Variants in SHROOM4 observed in about 807,000 individuals in gnomAD.
SHROOM4 encodes the protein protein Shroom4.
Under a neutral mutation model 80.3 loss-of-function variants are expected in SHROOM4, and 17 were observed. That is an observed-to-expected ratio of 0.21 (90% CI 0.14 to 0.32). SHROOM4 has a LOEUF of 0.32. SHROOM4 is among the 10% of genes least tolerant of loss of function. SHROOM4 has a pLI of 1.00. For missense variants in SHROOM4, 993 were observed against 1,140.3 expected (o/e 0.87, Z 1.86); for synonymous variants, 400 against 437.5 (o/e 0.91, Z 1.07).
Position 50,598,490 on chromosome X carries a change from C to T in SHROOM4, c.3988G>A (p.Glu1330Lys), listed in dbSNP as rs1557247081. 8.3e-7 allele frequency: 1 copy of T among 1,204,990 alleles called. No individual in the cohort carries two copies. Among genetic ancestry groups the T allele is most frequent in the Non-Finnish European group, 1.1e-6 (1 of 892,687 alleles). The change falls in exon 8 of 9, where the codon GAG (glutamate) becomes AAG (lysine). Residue 1330 changes from glutamate (E) to lysine (K), a missense_variant. Glu to Lys is a moderately conservative substitution (Grantham distance 56). Coordinates refer to ENST00000376020, the MANE Select transcript of SHROOM4 (RefSeq NM_020717.5). ...SISRKLSVLR[E>K]AQRGLLEDIN... ...TCCTCTAGCAGCCCTCGCTGGGCCT[C>T]CCGCAAGACAGAAAGTTTTCTGCTG...
chrX:50,577,974 C>T, the SHROOM4 span, among the ~76,000 whole-genome samples: 1 of 111,969 alleles, frequency 8.9e-6, no homozygotes, highest in Non-Finnish European at 1.9e-5. Flanking sequence ...TATAGAGTGG[C>T]AGCAAATGGG....
intron 5 of SHROOM4, among the ~76,000 whole-genome samples, chrX:50,618,355 C>T (rs1930387364): frequency 1.4e-4 from 2 of 14,488 alleles, no homozygotes; most frequent in African/African-American, 3.8e-4. Flanking sequence ...TTCCTTCCTT[C>T]CTTCCTTCCT....
In SHROOM4 at chrX:50,589,660, T is replaced by G. The variant is rs1557245177; in HGVS notation, c.*7035A>C. 8.9e-6 allele frequency among the ~76,000 whole-genome samples: 1 copy of G among 112,394 alleles called. No individual in the cohort carries two copies. The highest frequency in any genetic ancestry group is 3.2e-5 in the African/African-American group (1 of 30,941). ...CCTACTGTATGCATATATCAAAGTT[T>G]GTTTATCCATTCCTCAGTGGATGGA... On this transcript the variant is annotated 3_prime_UTR_variant, in exon 9 of 9. Coordinates refer to ENST00000376020, the MANE Select transcript of SHROOM4 (RefSeq NM_020717.5).
intron 5 of SHROOM4, among the ~76,000 whole-genome samples, chrX:50,621,402 ACT>A (rs1930567570): frequency 9.0e-6 from 1 of 111,482 alleles, no homozygotes; most frequent in African/African-American, 3.3e-5. Context: ...AAATAAATGT[ACT>A]CTTTGGTATT....
intron 4 of SHROOM4, among the ~76,000 whole-genome samples, chrX:50,630,454 T>G (rs1215269328): frequency 2.7e-5 from 3 of 111,808 alleles, no homozygotes; most frequent in African/African-American, 9.8e-5. Context: ...ACTACCCCCA[T>G]GCTTTTAGAT....
At chrX:50,712,328 A>G in intron 1 of SHROOM4, among the ~76,000 whole-genome samples, 1 of 112,149 alleles carries the variant, frequency 8.9e-6, no homozygotes, top group African/African-American at 3.2e-5. Context: ...GCAAACAAGA[A>G]AAATTAGAAA....
intron 4 of SHROOM4, among the ~76,000 whole-genome samples, chrX:50,632,080 A>T: frequency 9.0e-6 from 1 of 111,721 alleles, no homozygotes; most frequent in Non-Finnish European, 1.9e-5. Flanking sequence ...TGTTTAACTC[A>T]AACTCTTACC....
intron 2 of SHROOM4, among the ~76,000 whole-genome samples, chrX:50,658,667 C>G (rs1932394559): frequency 9.0e-6 from 1 of 111,337 alleles, no homozygotes; most frequent in Non-Finnish European, 1.9e-5. Flanking sequence ...TCTACAGGTA[C>G]AGGTAGAGGG....
chrX:50,788,489 C>A lies in SHROOM4; in HGVS notation c.117+25413G>T, dbSNP rs1231952568. ...GGGCGTGGTGGCGGGCGCCTGTAGC[C>A]CCAGCTACTCGGAGAGGCTGAGGCA... On this transcript the variant is annotated intron_variant, in intron 1 of 8. Coordinates refer to ENST00000376020, the MANE Select transcript of SHROOM4 (RefSeq NM_020717.5). Among the ~76,000 whole-genome samples, 5 of 110,070 alleles carry A rather than the reference C, an allele frequency of 4.5e-5. No homozygotes were observed. The Admixed American group carries it at 4.8e-4, about 11-fold the overall frequency.
At chrX:50,725,303 C>T (rs1356870058) in intron 1 of SHROOM4, among the ~76,000 whole-genome samples, 2 of 112,066 alleles carry the variant, frequency 1.8e-5, no homozygotes, top group African/African-American at 6.5e-5. Flanking sequence ...CTCTTTCCCC[C>T]ACCTCGCTCC....
At chrX:50,630,293 C>T (rs1234940883) in intron 4 of SHROOM4, among the ~76,000 whole-genome samples, 2 of 104,028 alleles carry the variant, frequency 1.9e-5, no homozygotes, top group Non-Finnish European at 3.9e-5. Context: ...AGTCCTTCTT[C>T]CAGCAAAAGT....
intron 7 of SHROOM4, among the ~76,000 whole-genome samples, chrX:50,601,676 G>A (rs1929416753): frequency 8.9e-6 from 1 of 111,851 alleles, no homozygotes; most frequent in Non-Finnish European, 1.9e-5. Context: ...GACAAAGAAA[G>A]GAAAGCTTTG....
intron 2 of SHROOM4, among the ~76,000 whole-genome samples, chrX:50,685,719 AC>A (rs781880773): frequency 9.0e-6 from 1 of 111,617 alleles, no homozygotes; most frequent in East Asian, 2.8e-4. Flanking sequence ...CAATCTTCTC[AC>A]CTATAAAATG....
chrX:50,685,810 C>G (rs1453031963), intron 2 of SHROOM4, among the ~76,000 whole-genome samples: 12 of 111,658 alleles, frequency 1.1e-4, no homozygotes, highest in African/African-American at 3.3e-4. Flanking sequence ...TTGACTTTGG[C>G]CTTTGTTTTG....
chrX:50,657,300 T>C (rs892401837), intron 2 of SHROOM4, among the ~76,000 whole-genome samples: 3 of 111,352 alleles, frequency 2.7e-5, no homozygotes, highest in Non-Finnish European at 5.7e-5. Context: ...TTAGTAGAAG[T>C]GGGGAAAATG....
chrX:50,812,749 C>A (rs1376292270), intron 1 of SHROOM4, among the ~76,000 whole-genome samples: 1 of 68,451 alleles, frequency 1.5e-5, no homozygotes, highest in African/African-American at 4.3e-5. Context: ...TGAACCCCAC[C>A]CCCCCGCAAA....
At chrX:50,772,589 G>A (rs182359854) in intron 1 of SHROOM4, among the ~76,000 whole-genome samples, 11 of 111,221 alleles carry the variant, frequency 9.9e-5, no homozygotes, top group African/African-American at 3.6e-4. Flanking sequence ...GATTACTTAC[G>A]CCAGAAAGAC....
intron 1 of SHROOM4, among the ~76,000 whole-genome samples, chrX:50,747,319 C>G (rs1282505447): frequency 3.6e-5 from 4 of 111,951 alleles, no homozygotes; most frequent in Admixed American, 9.5e-5. Flanking sequence ...GCCTATATCA[C>G]TCTGTCAGAC....
chrX:50,713,722 T>C (rs1933878308), intron 1 of SHROOM4, among the ~76,000 whole-genome samples: 2 of 112,489 alleles, frequency 1.8e-5, no homozygotes, highest in South Asian at 7.4e-4. Flanking sequence ...AAACTAGCAC[T>C]TGAAAAAATG....
Sources: allele counts gnomAD v4.1 joint callset (sites outside exome capture counted in the v4.1 genomes callset), GRCh38; gene constraint gnomAD v4.1.1; transcripts MANE v1.5; gene names NCBI Gene and HGNC (gene_info 2026-07-23, HGNC 2026-07-21).